P2RX6: variants seen among roughly 807,000 people sequenced by gnomAD.
The protein encoded by P2RX6 is P2X purinoceptor 6.
Under a neutral mutation model 54.2 loss-of-function variants are expected in P2RX6, and 62 were observed. The observed-to-expected ratio is 1.14, with a 90% CI of 0.93 to 1.41. P2RX6 has a LOEUF of 1.41. P2RX6 is among the 40% of genes most tolerant of loss of function. The pLI is 0.00. For synonymous variants in P2RX6, 211 were observed against 231.9 expected, an observed-to-expected ratio of 0.91 and a Z score of 0.82; for missense variants, 541 against 566.3, an observed-to-expected ratio of 0.96 and a Z score of 0.45.
upstream of P2RX6, chr22:21,014,437 C>G (rs1044496876): frequency 3.9e-5 from 6 of 152,300 alleles, no homozygotes; most frequent in African/African-American, 1.4e-4. Context: ...CGTGGCTCTC[C>G]TGCGCTGAGG....
intron 2 of P2RX6, among the ~76,000 whole-genome samples, chr22:21,016,731 T>A (rs1181432865): frequency 6.6e-6 from 1 of 152,046 alleles, no homozygotes; most frequent in Non-Finnish European, 1.5e-5. Context: ...GTAGCCCTGC[T>A]CCCTGACCTG....
chr22:21,023,669 A>C (rs929671), intron 8 of P2RX6, 51 bp downstream of exon 8: 907,546 of 1,363,412 alleles, frequency 0.67, 306,968 homozygotes, highest in East Asian at 0.96. Context: ...TCGCCCTCTC[A>C]CTGTGGCGGC....
At chr22:21,016,405 C>T (rs1002075456) in intron 2 of P2RX6, among the ~76,000 whole-genome samples, 1 of 151,970 alleles carries the variant, frequency 6.6e-6, no homozygotes, top group Non-Finnish European at 1.5e-5. Context: ...CTGGCTAACA[C>T]GGTGAAACCC....
At chr22:21,010,119 T>C (rs909034444) in intron 1 of P2RX6, 2 of 152,254 alleles carry the variant, frequency 1.3e-5, no homozygotes, top group Admixed American at 6.5e-5. Context: ...TCCAAGCTCC[T>C]TCACCTCTCA....
rs1239516610 is a variant in P2RX6 at position 21,015,970 on chromosome 22, C to G, written c.193C>G (p.Gln65Glu). 7 of 1,549,766 alleles carry G rather than the reference C, an allele frequency of 4.5e-6. No homozygotes were observed. ...GWALLAKKGY[Q>E]ERDLEPQFSI... ...GGCTCTCCTCGCCAAAAAAGGCTAC[C>G]AGGAGCGGGACCTGGAACCCCAGTT... Residue 65 changes from glutamine (Q) to glutamate (E), a missense_variant, in exon 2 of 12, where the codon CAG becomes GAG. Around this residue, in one of 2 missense-constraint regions of P2RX6, gnomAD observed 526 missense variants for 531.5 expected, o/e 0.99. Coordinates refer to ENST00000413302, the MANE Select transcript of P2RX6 (RefSeq NM_005446.5).
chr22:21,016,461 C>T (rs997885529), intron 2 of P2RX6, among the ~76,000 whole-genome samples: 6 of 151,944 alleles, frequency 3.9e-5, no homozygotes, highest in African/African-American at 9.7e-5. Context: ...TGGTGGTGGG[C>T]GCCTGTAGTC....
chr22:21,015,855 G>T, intron 1 of P2RX6, 87 bp from the exon 2 acceptor site: 1 of 1,379,092 alleles, frequency 7.3e-7, no homozygotes, highest in Non-Finnish European at 9.8e-7. Flanking sequence ...GTAGGGTGTG[G>T]GGGGAGAACT....
chr22:21,020,349 C>G (rs2148039033), intron 3 of P2RX6, among the ~76,000 whole-genome samples: 1 of 152,278 alleles, frequency 6.6e-6, no homozygotes, highest in Admixed American at 6.5e-5. Context: ...TCTAGGGATC[C>G]TGGTGCCTGA....
At chr22:21,017,832 G>T in intron 2 of P2RX6, 157 bp from the exon 3 acceptor site, 2 of 699,094 alleles carry the variant, frequency 2.9e-6, no homozygotes, top group South Asian at 3.0e-5. Context: ...CAGAACCACT[G>T]CCAGCCTCCC....
Position 21,026,363 on chromosome 22 carries a change from T to G in P2RX6, c.1128+34T>G. The G allele has an allele frequency of 6.3e-7, 1 of 1,589,560 alleles. No homozygotes were observed. Among genetic ancestry groups the G allele is most frequent in the East Asian group, 2.3e-5 (1 of 43,944 alleles). On this transcript the variant is annotated intron_variant, in intron 11 of 11. Transcript: ENST00000413302. The surrounding 1 kb of genome is among the most constrained non-coding windows in gnomAD (Gnocchi z 4.0). ...AGGTCGCTCTGCTTGGACCCTGGGTTCTGCCACACTTAGGAAGATGTTGGC... is the reference window on the plus strand; with the variant it reads ...AGGTCGCTCTGCTTGGACCCTGGGTGCTGCCACACTTAGGAAGATGTTGGC...
chr22:21,012,409 A>G, upstream of P2RX6: 1 of 365,468 alleles, frequency 2.7e-6, no homozygotes, highest in East Asian at 7.2e-5. Flanking sequence ...CCCCTCCTCT[A>G]TCCACCAGCA....
At chr22:21,011,797 G>C (rs1284798597), upstream of P2RX6, among the ~76,000 whole-genome samples, 10 of 152,144 alleles carry the variant, frequency 6.6e-5, no homozygotes, top group Non-Finnish European at 1.3e-4. Flanking sequence ...GTGCCCACCA[G>C]CTTCTGTGTC....
Position 21,022,752 on chromosome 22 carries a change from G to A in P2RX6, c.463+1G>A. 1 of 1,563,216 alleles carries A rather than the reference G, an allele frequency of 6.4e-7. No individual in the cohort carries two copies. On this transcript the variant is annotated splice_donor_variant, in intron 4 of 11. Transcript: ENST00000413302. LOFTEE classifies it high-confidence loss of function. ...GGGGAGGGAGGCACACACAGCCACG[G>A]TAACTGTGGGCTCTGTCTTCCAGTG... is the stretch of plus-strand genomic sequence containing the variant.
chr22:21,012,311 A>G (rs1281126792), upstream of P2RX6, among the ~76,000 whole-genome samples: 3 of 152,160 alleles, frequency 2.0e-5, no homozygotes, highest in East Asian at 1.9e-4. Context: ...GTGGTGGGGT[A>G]GGGTGGATGA....
chr22:21,014,838 C>T (rs1926058202), upstream of P2RX6, among the ~76,000 whole-genome samples: 1 of 152,196 alleles, frequency 6.6e-6, no homozygotes, highest in African/African-American at 2.4e-5. Flanking sequence ...AACACCCTCC[C>T]CGCCCTGCTG....
In P2RX6 at chr22:21,026,420, G is replaced by T; in HGVS notation, c.1129G>T (p.Ala377Ser). 1 of 1,597,222 alleles carries T rather than the reference G, an allele frequency of 6.3e-7. No individual in the cohort carries two copies. ...CCTGACCTGCTGTCCTCATCTGCAG[G>T]CCAAGGCCCCGAAAGCAACCGCCAA... is the stretch of plus-strand genomic sequence containing the variant. ...HFYWRTKYEE[A>S]KAPKATANSV... The change falls in exon 12 of 12, where the codon GCC (alanine) becomes TCC (serine). Residue 377 changes from alanine to serine, a missense_variant and splice_region_variant. Transcript: ENST00000413302. This position sits in a 1 kb window ranked among gnomAD's most constrained non-coding sequence, Gnocchi z 4.0.
intron 3 of P2RX6, among the ~76,000 whole-genome samples, chr22:21,020,211 A>G (rs112966182): frequency 1.5e-3 from 230 of 152,330 alleles, no homozygotes; most frequent in African/African-American, 5.3e-3. Flanking sequence ...TGTGTTTTTC[A>G]GAATCTGTGC....
In P2RX6 at chr22:21,022,965, G is replaced by A. The variant is rs888810007; in HGVS notation, c.487G>A (p.Val163Met). 18 of 1,613,826 alleles carry A rather than the reference G, an allele frequency of 1.1e-5. No homozygotes were observed. Among genetic ancestry groups the A allele is most frequent in the Non-Finnish European group, 1.4e-5 (17 of 1,179,746 alleles). Residue 163 changes from valine to methionine, a missense_variant, in exon 5 of 12, where the codon GTG (valine) becomes ATG (methionine). Around this residue, in one of 2 missense-constraint regions of P2RX6, gnomAD observed 526 missense variants for 531.5 expected, o/e 0.99. Coordinates refer to ENST00000413302, the MANE Select transcript of P2RX6 (RefSeq NM_005446.5). ...AGGTGTAAAAACAGGCCAGTGTGTG[G>A]TGTTCAATGGGACCCACAGGACCTG... ...SHGVKTGQCV[V>M]FNGTHRTCEI...
At chr22:21,021,231 A>G (rs1168326066) in intron 3 of P2RX6, among the ~76,000 whole-genome samples, 1 of 151,764 alleles carries the variant, frequency 6.6e-6, no homozygotes, top group Non-Finnish European at 1.5e-5. Flanking sequence ...CCTACTTTGG[A>G]CTCTCAAAGT....
Sources: allele counts gnomAD v4.1 joint callset (sites outside exome capture counted in the v4.1 genomes callset), GRCh38; gene constraint gnomAD v4.1.1; regional missense constraint gnomAD v4.1.1; non-coding constraint Gnocchi (gnomAD v3.1); transcripts MANE v1.5; gene names NCBI Gene and HGNC (gene_info 2026-07-23, HGNC 2026-07-21).